ITGA11: variants seen among roughly 807,000 people sequenced by gnomAD.
ITGA11 encodes integrin subunit alpha 11.
Under a neutral mutation model 141.9 loss-of-function variants are expected in ITGA11, and 97 were observed. The ratio of observed to expected loss-of-function variants is 0.68; its 90% CI spans 0.58 to 0.81. The LOEUF is 0.81. ITGA11 is among the 30% of genes least tolerant of loss of function. The probability of loss-of-function intolerance (pLI) is 0.00; values close to 1 mark genes in which losing one functional copy is unlikely to be tolerated. For synonymous variants in ITGA11, 658 were observed against 624.6 expected (o/e 1.05, Z -0.80); for missense variants, 1,387 against 1,559.2 (o/e 0.89, Z 1.86).
intron 9 of ITGA11, 108 bp from the exon 10 acceptor site, chr15:68,349,008 G>A: frequency 1.1e-6 from 1 of 923,002 alleles, no homozygotes; most frequent in Non-Finnish European, 1.6e-6. Context: ...TCGTCAGGAG[G>A]TGGGGCTCTC....
intron 5 of ITGA11, among the ~76,000 whole-genome samples, chr15:68,359,929 G>C (rs1895189406): frequency 1.3e-5 from 2 of 152,210 alleles, no homozygotes; most frequent in Admixed American, 6.5e-5. Context: ...TGTGTTAACT[G>C]TTCCAGTAAT....
At chr15:68,372,545 G>T (rs764668836) in intron 2 of ITGA11, among the ~76,000 whole-genome samples, 1 of 152,222 alleles carries the variant, frequency 6.6e-6, no homozygotes, top group Non-Finnish European at 1.5e-5. Context: ...CAGGGAGCAG[G>T]GCTTCGGTGG....
intron 2 of ITGA11, among the ~76,000 whole-genome samples, chr15:68,385,943 C>T (rs539176521): frequency 5.8e-4 from 89 of 152,298 alleles, no homozygotes; most frequent in African/African-American, 2.1e-3. Context: ...ACCCCACCCA[C>T]AGGCCTGAGT....
intron 3 of ITGA11, among the ~76,000 whole-genome samples, chr15:68,367,970 C>T (rs1895478328): frequency 1.3e-5 from 2 of 152,232 alleles, no homozygotes; most frequent in African/African-American, 4.8e-5. Context: ...ACGATTTCCT[C>T]ACTGAAGTTT....
chr15:68,397,013 C>T (rs373252059), intron 2 of ITGA11, among the ~76,000 whole-genome samples: 54 of 2,074 alleles, frequency 0.026, 10 homozygotes, highest in East Asian at 0.5. Context: ...ATATATATTA[C>T]TTATTATATA....
Position 68,308,633 on chromosome 15 carries a change from C to T in ITGA11, c.3175-937G>A, listed in dbSNP as rs1312473862. On this transcript the variant is annotated intron_variant, in intron 26 of 29. Transcript: ENST00000315757. This position sits in a 1 kb window ranked among gnomAD's most constrained non-coding sequence, Gnocchi z 5.2. Reference sequence around the variant, plus strand: ...TGGCACGCGCCTGTAGTCCCAACTACTTGGGAGGCTGAGGCAGGAGAATCA... The same window carrying T: ...TGGCACGCGCCTGTAGTCCCAACTATTTGGGAGGCTGAGGCAGGAGAATCA... 3.3e-5 allele frequency among the ~76,000 whole-genome samples: 5 copies of T among 152,122 alleles called. No homozygotes were observed. The highest frequency in any genetic ancestry group is 1.2e-4 in the African/African-American group (5 of 41,396).
intron 10 of ITGA11, among the ~76,000 whole-genome samples, chr15:68,345,792 A>G (rs1894727070): frequency 6.6e-6 from 1 of 152,176 alleles, no homozygotes; most frequent in African/African-American, 2.4e-5. Flanking sequence ...AGAGAGGCCT[A>G]ACTGACCCTG....
chr15:68,313,680 TG>T, intron 23 of ITGA11, 98 bp downstream of exon 23: 1 of 864,538 alleles, frequency 1.2e-6, no homozygotes, highest in Non-Finnish European at 1.9e-6. Context: ...TGCTGGGGTC[TG>T]GCCCTATTAG....
intron 23 of ITGA11, 71 bp downstream of exon 23, chr15:68,313,707 GC>G (rs368092735): frequency 3.7e-5 from 43 of 1,160,880 alleles, no homozygotes; most frequent in Non-Finnish European, 5.3e-5. Context: ...ATCAGAGGAT[GC>G]CCCCCCTTAG....
chr15:68,364,367 G>C (rs1275492770), intron 4 of ITGA11, among the ~76,000 whole-genome samples: 2 of 152,182 alleles, frequency 1.3e-5, no homozygotes, highest in Non-Finnish European at 2.9e-5. Flanking sequence ...CAAGGAAAGG[G>C]ACAGTCCCCC....
At chr15:68,361,873 A>G in intron 4 of ITGA11, 169 bp from the exon 5 acceptor site, 2 of 572,118 alleles carry the variant, frequency 3.5e-6, no homozygotes, top group Admixed American at 3.0e-5. Context: ...TCTTGCTGCA[A>G]TGTGTACTAG....
chr15:68,367,740 G>A (rs1895470052), intron 3 of ITGA11, among the ~76,000 whole-genome samples: 1 of 152,218 alleles, frequency 6.6e-6, no homozygotes, highest in Non-Finnish European at 1.5e-5. Flanking sequence ...AAACAGATTA[G>A]ACCTGGAATG....
rs900434926 is a variant in ITGA11, at chr15:68,322,683, A to G, written c.2323-1180T>C. ...GGAGTTCAAGAACAACCAGGCCAAC[A>G]TGGTGAAACTTTGTCTCTGCTAAAA... On this transcript the variant is annotated intron_variant, in intron 18 of 29. Transcript: ENST00000315757. The surrounding 1 kb of genome is among the most constrained non-coding windows in gnomAD (Gnocchi z 5.6). 2.0e-5 allele frequency among the ~76,000 whole-genome samples: 3 copies of G among 152,086 alleles called. No homozygotes were observed. Among genetic ancestry groups the G allele is most frequent in the African/African-American group, 7.2e-5 (3 of 41,418 alleles).
Position 68,351,474 on chromosome 15 carries a change from A to G in ITGA11, c.750-72T>C, listed in dbSNP as rs1416708714. On this transcript the variant is annotated intron_variant, in intron 7 of 29. Transcript: ENST00000315757. ...GGGGCAGCCCCTGACGCTCCTGCAG[A>G]GGGGCAGCCACAGAAACCAGGACCA... 3.3e-6 allele frequency: 5 copies of G among 1,532,508 alleles called. No homozygotes were observed. In the South Asian group the frequency reaches 6.1e-5, roughly 19 times the overall value. The allele number at this position is 1,532,508 out of a possible 1,614,324, so 94.9% of individuals were successfully genotyped here.
chr15:68,414,097 C>T (rs1896835755), intron 1 of ITGA11, among the ~76,000 whole-genome samples: 1 of 152,124 alleles, frequency 6.6e-6, no homozygotes, highest in Non-Finnish European at 1.5e-5. Context: ...CACAGAAAGC[C>T]CAGCCTAGCC....
chr15:68,360,848 C>T (rs1179246256), intron 5 of ITGA11, among the ~76,000 whole-genome samples: 1 of 152,182 alleles, frequency 6.6e-6, no homozygotes, highest in Admixed American at 6.5e-5. Flanking sequence ...TCCTCCCTTC[C>T]CCAGCCCCAT....
intron 22 of ITGA11, 30 bp from the exon 23 acceptor site, chr15:68,313,898 G>A: frequency 6.3e-7 from 1 of 1,579,636 alleles, no homozygotes; most frequent in East Asian, 2.2e-5. Flanking sequence ...GCAAGGTCAG[G>A]AAGGGGCTCA....
intron 2 of ITGA11, among the ~76,000 whole-genome samples, chr15:68,400,391 C>T (rs1896438579): frequency 6.7e-6 from 1 of 150,028 alleles, no homozygotes; most frequent in African/African-American, 2.5e-5. Context: ...ACACAAAAAG[C>T]ACTAACCATA....
At chr15:68,350,900 G>A in intron 8 of ITGA11, 118 bp from the exon 9 acceptor site, 1 of 1,009,244 alleles carries the variant, frequency 9.9e-7, no homozygotes, top group Non-Finnish European at 1.5e-6. Context: ...CGGTAGCCAT[G>A]AGAGTTCCTC....
Sources: allele counts gnomAD v4.1 joint callset (sites outside exome capture counted in the v4.1 genomes callset), GRCh38; gene constraint gnomAD v4.1.1; non-coding constraint Gnocchi (gnomAD v3.1); transcripts MANE v1.5; gene names NCBI Gene and HGNC (gene_info 2026-07-23, HGNC 2026-07-21).